SMARCAD1: variants seen among roughly 807,000 people sequenced by gnomAD.
SMARCAD1 encodes the protein SWI/SNF-related matrix-associated actin-dependent regulator of chromatin subfamily A containing DEAD/H box 1.
In SMARCAD1, 25 loss-of-function variants were observed where a neutral mutation model predicts 127.1. That is an observed-to-expected ratio of 0.20 (90% CI 0.14 to 0.27). The LOEUF (loss-of-function observed/expected upper bound fraction) is 0.27. SMARCAD1 is among the 10% of genes least tolerant of loss of function. The pLI is 1.00. For synonymous variants in SMARCAD1, 400 were observed against 396.9 expected, an observed-to-expected ratio of 1.01 and a Z score of -0.09; for missense variants, 807 against 1,206.0, an observed-to-expected ratio of 0.67 and a Z score of 4.90.
Position 94,214,366 on chromosome 4 carries a change from A to G in SMARCAD1, c.190+5782A>G, listed in dbSNP as rs201895839. Among the ~76,000 whole-genome samples, 101 of 148,200 alleles carry G rather than the reference A, an allele frequency of 6.8e-4. No homozygotes were observed. In the East Asian group the frequency reaches 0.018, roughly 27 times the overall value. On this transcript the variant is annotated intron_variant, in intron 2 of 23. Transcript: ENST00000354268. ...CAATCTCTGCTCTCGGGTTCATGCC[A>G]TTCTTCTGCTTCAGCCTCCTGAGTA...
chr4:94,255,565 T>C (rs997592922), intron 9 of SMARCAD1, among the ~76,000 whole-genome samples: 1 of 151,902 alleles, frequency 6.6e-6, no homozygotes, highest in Non-Finnish European at 1.5e-5. Context: ...GTAGTAGATA[T>C]ATATAAAATG....
At chr4:94,279,619 C>T (rs1432924737) in intron 19 of SMARCAD1, among the ~76,000 whole-genome samples, 1 of 152,156 alleles carries the variant, frequency 6.6e-6, no homozygotes, top group Non-Finnish European at 1.5e-5. Context: ...TGCTTTCTCA[C>T]TACAGGGGCA....
At chr4:94,218,922 A>C (rs1008464406) in intron 2 of SMARCAD1, among the ~76,000 whole-genome samples, 1 of 151,708 alleles carries the variant, frequency 6.6e-6, no homozygotes, top group Non-Finnish European at 1.5e-5. Flanking sequence ...AGCAATTCTC[A>C]TGCCTCAGCC....
rs761940704 is a variant in SMARCAD1 at position 94,235,640 on chromosome 4, A to ATT, written c.538-1293_538-1292dup. Among the ~76,000 whole-genome samples the ATT allele has an allele frequency of 2.9e-3, 395 of 134,220 alleles. 4 individuals are homozygous for ATT. The highest frequency in any genetic ancestry group is 8.0e-3 in the African/African-American group (293 of 36,576). 88.1% of individuals were successfully genotyped at this position (134,220 alleles called of 152,430 possible). A position where few individuals can be genotyped will look rare whatever the true frequency, so the allele number is the denominator to read the frequency against. ...CAGTGTTACTTGTCTGCTAATGTGA[A>ATT]TTTTTTTTTTTTTTTTTTTTGTGGA... On this transcript the variant is annotated intron_variant, in intron 4 of 23. Coordinates refer to ENST00000354268, the MANE Select transcript of SMARCAD1 (RefSeq NM_020159.5).
At chr4:94,278,759 T>A in intron 18 of SMARCAD1, 26 bp downstream of exon 18, 1 of 1,605,640 alleles carries the variant, frequency 6.2e-7, no homozygotes. Context: ...TACTCTTTTA[T>A]GTGAAAAAGA....
intron 2 of SMARCAD1, among the ~76,000 whole-genome samples, chr4:94,223,261 G>A (rs541946997): frequency 9.2e-5 from 14 of 152,130 alleles, no homozygotes; most frequent in African/African-American, 2.9e-4. Flanking sequence ...TTGGGAGGCC[G>A]AGGCAGGTGG....
chr4:94,241,690 A>G (rs546703707), intron 6 of SMARCAD1, among the ~76,000 whole-genome samples: 12 of 152,302 alleles, frequency 7.9e-5, no homozygotes, highest in Admixed American at 5.2e-4. Context: ...GCCACCAGAC[A>G]GTTGACTGAA....
intron 2 of SMARCAD1, among the ~76,000 whole-genome samples, chr4:94,222,698 C>T (rs1744332766): frequency 6.6e-6 from 1 of 152,128 alleles, no homozygotes; most frequent in Non-Finnish European, 1.5e-5. Context: ...CTTGGTGGCT[C>T]ACACCTGTAA....
intron 2 of SMARCAD1, among the ~76,000 whole-genome samples, chr4:94,209,421 A>C (rs1741831128): frequency 6.7e-6 from 1 of 149,510 alleles, no homozygotes; most frequent in Non-Finnish European, 1.5e-5. Context: ...TAAACTAATT[A>C]GTTAGTTTCT....
At chr4:94,277,673 G>GTA (rs1434515622) in intron 16 of SMARCAD1, among the ~76,000 whole-genome samples, 1 of 152,164 alleles carries the variant, frequency 6.6e-6, no homozygotes, top group Non-Finnish European at 1.5e-5. Flanking sequence ...TTTAGGAAAA[G>GTA]TATAGTCTTC....
At chr4:94,244,715 T>C (rs1208920360) in intron 6 of SMARCAD1, among the ~76,000 whole-genome samples, 1 of 151,738 alleles carries the variant, frequency 6.6e-6, no homozygotes, top group Non-Finnish European at 1.5e-5. Context: ...TATTTTTACT[T>C]AGTTCTTCTC....
intron 4 of SMARCAD1, among the ~76,000 whole-genome samples, chr4:94,236,162 T>C (rs1022211856): frequency 3.3e-5 from 5 of 152,158 alleles, no homozygotes; most frequent in African/African-American, 1.2e-4. Context: ...CATCCAAGAT[T>C]AGGAAAAATT....
At chr4:94,259,726 G>A (rs1750670187) in intron 9 of SMARCAD1, among the ~76,000 whole-genome samples, 1 of 152,062 alleles carries the variant, frequency 6.6e-6, no homozygotes, top group Non-Finnish European at 1.5e-5. Context: ...ACCCCCATGT[G>A]TTTCTTCCAT....
intron 16 of SMARCAD1, among the ~76,000 whole-genome samples, chr4:94,277,510 G>A (rs1753473354): frequency 6.6e-6 from 1 of 151,626 alleles, no homozygotes; most frequent in Non-Finnish European, 1.5e-5. Flanking sequence ...TTCTTTATGG[G>A]TAAACTATAA....
rs572347889 is a variant in SMARCAD1, at chr4:94,280,572, GTGTTT to G, written c.2419-8_2419-4del. 6 of 1,594,856 alleles carry G rather than the reference GTGTTT, an allele frequency of 3.8e-6. No individual in the cohort carries two copies. The highest frequency in any genetic ancestry group is 5.2e-6 in the Non-Finnish European group (6 of 1,164,032). On this transcript the variant is annotated splice_polypyrimidine_tract_variant and intron_variant, in intron 19 of 23. Coordinates refer to ENST00000354268, the MANE Select transcript of SMARCAD1 (RefSeq NM_020159.5). ...AATTATTTTTATTTTGAAGTATACT[GTGTTT>G]TGTTTTGTTTTAAGGAACCTACACA...
intron 2 of SMARCAD1, among the ~76,000 whole-genome samples, chr4:94,220,134 T>C (rs894193201): frequency 6.6e-6 from 1 of 152,260 alleles, no homozygotes. Context: ...TGCTGTTGCT[T>C]ACTTCTGAAA....
intron 5 of SMARCAD1, among the ~76,000 whole-genome samples, chr4:94,237,772 G>GT (rs1356452686): frequency 2.0e-5 from 3 of 152,044 alleles, no homozygotes; most frequent in Admixed American, 2.0e-4. Context: ...TAGTTTAACT[G>GT]TTTCCCTATT....
Position 94,290,171 on chromosome 4 carries a change from TC to T in SMARCAD1, c.*639del. 2.2e-6 allele frequency: 1 copy of T among 454,514 alleles called. No individual in the cohort carries two copies. The highest frequency in any genetic ancestry group is 1.6e-5 in the South Asian group (1 of 64,474). 28.2% of individuals were successfully genotyped at this position (454,514 alleles called of 1,614,324 possible). Reference sequence around the variant, plus strand: ...TATTTGGCTAGGCACTAAGTTGTTTTCCAGTGAATAGTAACTAAAGAAGCCC... The same window carrying T: ...TATTTGGCTAGGCACTAAGTTGTTTTCAGTGAATAGTAACTAAAGAAGCCC... On this transcript the variant is annotated 3_prime_UTR_variant, in exon 24 of 24. Transcript: ENST00000354268.
chr4:94,253,065 C>G, intron 9 of SMARCAD1, 58 bp downstream of exon 9: 1 of 1,600,740 alleles, frequency 6.2e-7, no homozygotes, highest in South Asian at 1.1e-5. Flanking sequence ...TTCACAGTAC[C>G]GGTTATAGTC....
Sources: allele counts gnomAD v4.1 joint callset (sites outside exome capture counted in the v4.1 genomes callset), GRCh38; gene constraint gnomAD v4.1.1; transcripts MANE v1.5; gene names NCBI Gene and HGNC (gene_info 2026-07-23, HGNC 2026-07-21).